The following COPA variants were observed in gnomAD, a reference collection of about 807,000 sequenced individuals.
COPA encodes coat protein complex I subunit alpha, also known as coatomer subunit alpha.
A neutral mutation model predicts 158.7 loss-of-function variants in COPA; 10 were observed. The observed-to-expected ratio is 0.06, with a 90% CI of 0.04 to 0.11. COPA has a LOEUF of 0.11. Among genes scored for constraint, COPA ranks in the 10% least tolerant of loss-of-function variants. The pLI is 1.00. For synonymous variants in COPA, 462 were observed against 542.8 expected (o/e 0.85, Z 2.07); for missense variants, 1,065 against 1,536.7 (o/e 0.69, Z 5.13).
chr1:160,312,138 T>G lies in COPA; in HGVS notation c.926-120A>C. ...AGACAAGACACCTGAATGCATCCCT[T>G]ATTTGCCTAAATTCTCACAATTCTT... On this transcript the variant is annotated intron_variant, in intron 10 of 32. Coordinates refer to ENST00000241704, the MANE Select transcript of COPA (RefSeq NM_004371.4). The G allele has an allele frequency of 4.4e-6, 4 of 908,594 alleles. No individual in the cohort carries two copies. In the Middle Eastern group the frequency reaches 1.4e-3, roughly 324 times the overall value. 56.3% of individuals were successfully genotyped at this position (908,594 alleles called of 1,614,324 possible). A position where few individuals can be genotyped will look rare whatever the true frequency, so the allele number is the denominator to read the frequency against.
chr1:160,329,453 A>C (rs1311418766), intron 6 of COPA, among the ~76,000 whole-genome samples: 1 of 152,116 alleles, frequency 6.6e-6, no homozygotes, highest in African/African-American at 2.4e-5. Flanking sequence ...ATTTTGATGT[A>C]AAAATGTTCT....
chr1:160,328,895 T>A (rs1318696005), intron 6 of COPA, among the ~76,000 whole-genome samples: 3 of 152,196 alleles, frequency 2.0e-5, no homozygotes, highest in Non-Finnish European at 4.4e-5. Flanking sequence ...GATCTCTATA[T>A]TCTCTTACTG....
rs372325156 is a variant in COPA, at chr1:160,309,085, C to T, written c.1219+16G>A. 2.7e-5 allele frequency: 43 copies of T among 1,607,296 alleles called. No individual in the cohort carries two copies. Among genetic ancestry groups the T allele is most frequent in the Middle Eastern group, 1.6e-4 (1 of 6,076 alleles). Reference sequence around the variant, plus strand: ...AGAGCTGGAAGCAGAGTGGGGTAGACAAAAAGAACACTTACCATCAGGATT... The same window carrying T: ...AGAGCTGGAAGCAGAGTGGGGTAGATAAAAAGAACACTTACCATCAGGATT... On this transcript the variant is annotated intron_variant, in intron 13 of 32. Coordinates refer to ENST00000241704, the MANE Select transcript of COPA (RefSeq NM_004371.4).
At chr1:160,342,648 G>T (rs73029437) in intron 1 of COPA, among the ~76,000 whole-genome samples, 17,804 of 152,102 alleles carry the variant, frequency 0.12, 1,735 homozygotes, top group African/African-American at 0.27. Flanking sequence ...AAATAAAGCC[G>T]AATGGAGGCA....
At chr1:160,317,015 G>C (rs2101851073) in intron 8 of COPA, among the ~76,000 whole-genome samples, 1 of 152,142 alleles carries the variant, frequency 6.6e-6, no homozygotes, top group African/African-American at 2.4e-5. Context: ...ACACAAAGGA[G>C]CTCCAATTTG....
chr1:160,321,495 ATCAG>A (rs1171609709), intron 8 of COPA, among the ~76,000 whole-genome samples: 1 of 152,178 alleles, frequency 6.6e-6, no homozygotes, highest in African/African-American at 2.4e-5. Flanking sequence ...ACATACAAAA[ATCAG>A]TAGCATGACC....
chr1:160,306,154 C>A (rs1658779297), intron 15 of COPA, among the ~76,000 whole-genome samples, 200 bp downstream of exon 15: 2 of 152,088 alleles, frequency 1.3e-5, no homozygotes, highest in African/African-American at 4.8e-5. Flanking sequence ...GATAAATAAC[C>A]AAGAATCTCA....
At position 160,343,224 on chromosome 1, in the gene COPA, C is replaced by A. The variant is rs200629872; in HGVS notation, c.-54G>T. The A allele has an allele frequency of 1.9e-6, 3 of 1,610,270 alleles. No individual in the cohort carries two copies. The highest frequency in any genetic ancestry group is 2.5e-6 in the Non-Finnish European group (3 of 1,176,578). ...ATCCGAGCCCCGACACACCCTGCTG[C>A]CCTTCGGACGCCTCCACGTCAGCGA... On this transcript the variant is annotated 5_prime_UTR_variant, in exon 1 of 33. Coordinates refer to ENST00000241704, the MANE Select transcript of COPA (RefSeq NM_004371.4).
At chr1:160,329,215 T>C (rs1364392700) in intron 6 of COPA, among the ~76,000 whole-genome samples, 3 of 152,214 alleles carry the variant, frequency 2.0e-5, no homozygotes, top group Non-Finnish European at 4.4e-5. Context: ...CCACTCTGGT[T>C]AAGGGGTTAC....
intron 2 of COPA, 84 bp downstream of exon 2, chr1:160,340,086 TAATCATAGAGG>T: frequency 2.7e-6 from 4 of 1,496,366 alleles, no homozygotes; most frequent in Non-Finnish European, 3.7e-6. Context: ...CCACATTCTT[TAATCATAGAGG>T]AATCCATGTC....
intron 17 of COPA, among the ~76,000 whole-genome samples, chr1:160,300,868 C>T (rs1658576729): frequency 6.6e-6 from 1 of 152,206 alleles, no homozygotes; most frequent in African/African-American, 2.4e-5. Flanking sequence ...CCTGTAATCC[C>T]AGCACTTTGG....
At chr1:160,309,977 G>T (rs1275785159) in intron 12 of COPA, among the ~76,000 whole-genome samples, 1 of 152,068 alleles carries the variant, frequency 6.6e-6, no homozygotes, top group Non-Finnish European at 1.5e-5. Context: ...GCTCCATTAA[G>T]TTCAGCTTTA....
At chr1:160,314,157 T>C (rs1342381794) in intron 8 of COPA, 32 bp from the exon 9 acceptor site, 5 of 1,600,924 alleles carry the variant, frequency 3.1e-6, no homozygotes, top group South Asian at 2.3e-5. Flanking sequence ...GTCATCACAA[T>C]TCCCTACTAC....
In COPA at chr1:160,339,919, T is replaced by C; in HGVS notation, c.218A>G (p.Tyr73Cys). Reference protein sequence around the residue: ...QPLFVSGGDDYKIKVWNYKLR... With the variant: ...QPLFVSGGDDCKIKVWNYKLR... ...ACAGACCCTCTGTACCTTAATCTTA[T>C]AGTCATCTCCTCCAGAGACGAACAG... The change falls in exon 3 of 33, where the codon TAT (tyrosine) becomes TGT (cysteine). Residue 73 changes from tyrosine to cysteine, a missense_variant. Around this residue, in one of 2 missense-constraint regions of COPA, gnomAD observed 85 missense variants for 178.9 expected, o/e 0.48. Coordinates refer to ENST00000241704, the MANE Select transcript of COPA (RefSeq NM_004371.4). 3.1e-6 allele frequency: 5 copies of C among 1,613,956 alleles called. No homozygotes were observed. The highest frequency in any genetic ancestry group is 3.4e-6 in the Non-Finnish European group (4 of 1,179,824).
At chr1:160,318,858 GC>G (rs1314663267) in intron 8 of COPA, among the ~76,000 whole-genome samples, 1 of 151,102 alleles carries the variant, frequency 6.6e-6, no homozygotes, top group Non-Finnish European at 1.5e-5. Flanking sequence ...GGTAATTACA[GC>G]ACAAAAACTA....
Position 160,323,451 on chromosome 1 carries a change from A to G in COPA, c.686T>C (p.Val229Ala), listed in dbSNP as rs1210377236. 1 of 1,609,338 alleles carries G rather than the reference A, an allele frequency of 6.2e-7. No homozygotes were observed. The highest frequency in any genetic ancestry group is 1.3e-5 in the African/African-American group (1 of 74,774). ...LIVSGADDRQ[V>A]KIWRMNESKA... The stretch of plus-strand genomic sequence containing the variant: ...CTCACCATTCATGCGCCAGATCTTC[A>G]CTTGACGATCATCTGCCCCAGATAC... The change falls in exon 8 of 33, where the codon GTG becomes GCG. Residue 229 changes from valine (V) to alanine (A), a missense_variant. This residue lies in a region of COPA where 980 missense variants were observed against 1,357.8 expected (regional missense o/e 0.72). Transcript: ENST00000241704.
intron 8 of COPA, among the ~76,000 whole-genome samples, chr1:160,323,012 C>T (rs1557871655): frequency 6.6e-6 from 1 of 151,824 alleles, no homozygotes; most frequent in Non-Finnish European, 1.5e-5. Flanking sequence ...CACACACACA[C>T]ACACAATGGA....
chr1:160,294,636 A>T, intron 24 of COPA, 43 bp from the exon 25 acceptor site: 1 of 1,607,146 alleles, frequency 6.2e-7, no homozygotes, highest in African/African-American at 1.3e-5. Flanking sequence ...GGGCAGTGGC[A>T]TAATCTTAGC....
chr1:160,306,105 C>T (rs971429438), intron 15 of COPA, among the ~76,000 whole-genome samples: 4 of 152,096 alleles, frequency 2.6e-5, no homozygotes, highest in African/African-American at 9.7e-5. Context: ...ATTCTAAGCT[C>T]GGAGAACACG....
Sources: allele counts gnomAD v4.1 joint callset (sites outside exome capture counted in the v4.1 genomes callset), GRCh38; gene constraint gnomAD v4.1.1; regional missense constraint gnomAD v4.1.1; transcripts MANE v1.5; gene names NCBI Gene and HGNC (gene_info 2026-07-23, HGNC 2026-07-21).